The following IL2RB variants were observed in gnomAD, a reference collection of about 807,000 sequenced individuals.
IL2RB encodes the protein interleukin-2 receptor subunit beta.
A neutral mutation model predicts 44.2 loss-of-function variants in IL2RB; 17 were observed. That is an observed-to-expected ratio of 0.38 (90% CI 0.26 to 0.58). The LOEUF is 0.58. IL2RB is among the 20% of genes least tolerant of loss of function. The pLI, the probability that IL2RB is intolerant of heterozygous loss-of-function variation, is 0.63. For missense variants in IL2RB, 624 were observed against 685.5 expected (o/e 0.91, Z 1.00); for synonymous variants, 286 against 297.9 (o/e 0.96, Z 0.41).
At chr22:37,142,551 G>C in intron 3 of IL2RB, 39 bp from the exon 4 acceptor site, 1 of 1,586,922 alleles carries the variant, frequency 6.3e-7, no homozygotes. Context: ...GAACAGGAAG[G>C]ACCCACACAG....
At chr22:37,166,704 G>A (rs1206158789) in intron 1 of IL2RB, 1 of 152,222 alleles carries the variant, frequency 6.6e-6, no homozygotes, top group African/African-American at 2.4e-5. Flanking sequence ...TGCCACCAGA[G>A]GGCAGTGCGC....
intron 8 of IL2RB, among the ~76,000 whole-genome samples, chr22:37,134,759 C>T (rs1921598540): frequency 6.6e-6 from 1 of 152,192 alleles, no homozygotes; most frequent in South Asian, 2.1e-4. Flanking sequence ...ATCCTGATCC[C>T]GGTGTGTCAT....
At chr22:37,167,174 C>T (rs1923111211) in intron 1 of IL2RB, among the ~76,000 whole-genome samples, 1 of 152,150 alleles carries the variant, frequency 6.6e-6, no homozygotes, top group South Asian at 2.1e-4. Flanking sequence ...TCCTGGCCCC[C>T]ACGTTTAGGG....
At position 37,149,856 on chromosome 22, in the gene IL2RB, G is replaced by A. The variant is rs759150911; in HGVS notation, c.-65C>T. 33 of 985,550 alleles carry A rather than the reference G, an allele frequency of 3.3e-5. No individual in the cohort carries two copies. The highest frequency in any genetic ancestry group is 3.9e-5 in the Non-Finnish European group (32 of 830,210). 61.1% of individuals were successfully genotyped at this position (985,550 alleles called of 1,614,324 possible). A position where few individuals can be genotyped will look rare whatever the true frequency, so the allele number is the denominator to read the frequency against. ...GAGACATGGGGCGGTGGCAGCGCGC[G>A]CTCTCCAGTCCTCCCCGGTGCTGGG... On this transcript the variant is annotated 5_prime_UTR_variant, in exon 1 of 10. Coordinates refer to ENST00000216223, the MANE Select transcript of IL2RB (RefSeq NM_000878.5).
chr22:37,143,920 C>T (rs2543532), intron 2 of IL2RB, among the ~76,000 whole-genome samples, 165 bp downstream of exon 2: 11,159 of 62,726 alleles, frequency 0.18, 471 homozygotes, highest in African/African-American at 0.38. Context: ...TGTGTGTGTG[C>T]GCGCATTCAT....
intron 1 of IL2RB, among the ~76,000 whole-genome samples, chr22:37,162,277 C>G (rs1208281179): frequency 6.6e-6 from 1 of 152,158 alleles, no homozygotes; most frequent in Admixed American, 6.5e-5. Flanking sequence ...ACCACAGGCC[C>G]TGGTGCCAGT....
chr22:37,169,342 A>T (rs1923195027), intron 1 of IL2RB, among the ~76,000 whole-genome samples: 1 of 150,230 alleles, frequency 6.7e-6, no homozygotes, highest in African/African-American at 2.5e-5. Context: ...TTGTTTACAG[A>T]GGGGTTCTTG....
Position 37,141,606 on chromosome 22 carries a change from G to C in IL2RB, c.282+828C>G, listed in dbSNP as rs1369355993. Reference sequence around the variant, plus strand: ...CTACTGCCCCCACAAGCTCAGGGGTGTCTGCTCCCACTGTCTGGCCTCCTC... The same window carrying C: ...CTACTGCCCCCACAAGCTCAGGGGTCTCTGCTCCCACTGTCTGGCCTCCTC... On this transcript the variant is annotated intron_variant, in intron 4 of 9. Coordinates refer to ENST00000216223, the MANE Select transcript of IL2RB (RefSeq NM_000878.5). The surrounding 1 kb of genome is among the most constrained non-coding windows in gnomAD (Gnocchi z 4.4). Among the ~76,000 whole-genome samples the C allele has an allele frequency of 6.6e-6, 1 of 152,172 alleles. No homozygotes were observed. Among genetic ancestry groups the C allele is most frequent in the Non-Finnish European group, 1.5e-5 (1 of 68,016 alleles).
chr22:37,163,867 G>A (rs1362900478), intron 1 of IL2RB, among the ~76,000 whole-genome samples: 3 of 152,260 alleles, frequency 2.0e-5, no homozygotes, highest in Admixed American at 6.5e-5. Context: ...TACTGGGCCA[G>A]GCTGGAGGAA....
rs1269902975 is a variant in IL2RB, at chr22:37,141,236, C to A, written c.282+1198G>T. Among the ~76,000 whole-genome samples the A allele has an allele frequency of 6.6e-6, 1 of 151,780 alleles. No homozygotes were observed. Among genetic ancestry groups the A allele is most frequent in the African/African-American group, 2.4e-5 (1 of 41,304 alleles). ...CCCTGCACTCTCAGGGGCCCTGGTC[C>A]AAACCCAAGCCTCCAGGTGATCTTG... On this transcript the variant is annotated intron_variant, in intron 4 of 9. Coordinates refer to ENST00000216223, the MANE Select transcript of IL2RB (RefSeq NM_000878.5). The surrounding 1 kb of genome is among the most constrained non-coding windows in gnomAD (Gnocchi z 4.4).
At chr22:37,132,263 G>A in intron 9 of IL2RB, 121 bp downstream of exon 9, 1 of 693,882 alleles carries the variant, frequency 1.4e-6, no homozygotes, top group Non-Finnish European at 2.5e-6. Flanking sequence ...GCACACCCCG[G>A]AGGCTGCTCA....
chr22:37,145,187 G>C (rs1922167077), intron 1 of IL2RB, among the ~76,000 whole-genome samples: 1 of 152,176 alleles, frequency 6.6e-6, no homozygotes, highest in Non-Finnish European at 1.5e-5. Context: ...AAGAGCCCTA[G>C]AGGACAGGGG....
In IL2RB at chr22:37,128,046, A is replaced by G; in HGVS notation, c.*50T>C. ...GAGGACCCTCAACAGGGTCCTTCTG[A>G]GGCTCGGCGCAGAGCAGGCAGCTGC... On this transcript the variant is annotated 3_prime_UTR_variant, in exon 10 of 10. Transcript: ENST00000216223. The surrounding 1 kb of genome is among the most constrained non-coding windows in gnomAD (Gnocchi z 4.5). 7.0e-7 allele frequency: 1 copy of G among 1,430,408 alleles called. No homozygotes were observed. The highest frequency in any genetic ancestry group is 9.2e-7 in the Non-Finnish European group (1 of 1,088,596). 88.6% of individuals were successfully genotyped at this position (1,430,408 alleles called of 1,614,324 possible).
At chr22:37,147,813 G>A (rs1007288391) in intron 1 of IL2RB, among the ~76,000 whole-genome samples, 1 of 152,234 alleles carries the variant, frequency 6.6e-6, no homozygotes, top group Admixed American at 6.5e-5. Context: ...CCCAGGGTGG[G>A]GGCTGCTCAC....
chr22:37,143,639 C>A lies in IL2RB; in HGVS notation c.89-4G>T, dbSNP rs760603740. The A allele has an allele frequency of 6.2e-7, 1 of 1,606,998 alleles. No homozygotes were observed. Among genetic ancestry groups the A allele is most frequent in the Non-Finnish European group, 8.5e-7 (1 of 1,173,638 alleles). On this transcript the variant is annotated splice_region_variant and splice_polypyrimidine_tract_variant and intron_variant, in intron 2 of 9. Transcript: ENST00000216223. ...AAGCATGTGAACTGGGAAGTGCCTG[C>A]CGGGCAAGATGAGGTGTGAGTGCTG...
At chr22:37,131,714 G>A (rs556033613) in intron 9 of IL2RB, among the ~76,000 whole-genome samples, 2 of 152,068 alleles carry the variant, frequency 1.3e-5, no homozygotes, top group Non-Finnish European at 2.9e-5. Flanking sequence ...TCAGCACACC[G>A]GCAACGGTAA....
chr22:37,146,412 G>A (rs1922225944), intron 1 of IL2RB, among the ~76,000 whole-genome samples: 1 of 152,150 alleles, frequency 6.6e-6, no homozygotes. Context: ...AGGAGCAGGT[G>A]CATGTACCCA....
intron 4 of IL2RB, among the ~76,000 whole-genome samples, chr22:37,139,937 T>G (rs1164295693): frequency 6.6e-6 from 1 of 152,214 alleles, no homozygotes; most frequent in East Asian, 1.9e-4. Flanking sequence ...TGTGTCCCCC[T>G]ACAGGGTGAC....
At position 37,132,425 on chromosome 22, in the gene IL2RB, A is replaced by C; in HGVS notation, c.862T>G (p.Phe288Val). 6.2e-7 allele frequency: 1 copy of C among 1,614,158 alleles called. No homozygotes were observed. Among genetic ancestry groups the C allele is most frequent in the Non-Finnish European group, 8.5e-7 (1 of 1,180,014 alleles). ...LKCNTPDPSK[F>V]FSQLSSEHGG... ...TGCTCTGAGCTCAGCTGGGAAAAGA[A>C]CTTCGAGGGGTCTGGGGTGTTACAC... Residue 288 changes from phenylalanine (F) to valine (V), a missense_variant, in exon 9 of 10, where the codon TTC (phenylalanine) becomes GTC (valine). Phe to Val is a conservative substitution (Grantham distance 50, BLOSUM62 -1). Coordinates refer to ENST00000216223, the MANE Select transcript of IL2RB (RefSeq NM_000878.5).
Sources: gnomAD v4.1 joint callset for allele counts (sites outside exome capture counted in the v4.1 genomes callset) on GRCh38, gnomAD v4.1.1 for gene constraint, Gnocchi (gnomAD v3.1) non-coding constraint, MANE v1.5 for transcripts, NCBI Gene and HGNC (gene_info 2026-07-23, HGNC 2026-07-21) for gene names.